Variants in TRAPPC8 observed in about 807,000 individuals in gnomAD.
TRAPPC8 encodes the protein trafficking protein particle complex subunit 8, also known as general sporulation gene 1 homolog.
In TRAPPC8, 54 loss-of-function variants were observed where a neutral mutation model predicts 174.3. The observed-to-expected ratio is 0.31, with a 90% confidence interval of 0.25 to 0.39. TRAPPC8 has a LOEUF of 0.39. TRAPPC8 is among the 10% of genes least tolerant of loss of function. The pLI, the probability that TRAPPC8 is intolerant of heterozygous loss-of-function variation, is 1.00. For synonymous variants in TRAPPC8, 630 were observed against 579.9 expected, an observed-to-expected ratio of 1.09 and a Z score of -1.24; for missense variants, 1,531 against 1,699.1, an observed-to-expected ratio of 0.90 and a Z score of 1.74.
At chr18:31,909,862 C>T (rs1015489232) in intron 5 of TRAPPC8, 102 bp from the exon 6 acceptor site, 6 of 756,884 alleles carry the variant, frequency 7.9e-6, no homozygotes, top group African/African-American at 1.8e-5. Context: ...AACTGTTGGC[C>T]TCATTTATTT....
At chr18:31,902,469 C>T (rs1271913499) in intron 9 of TRAPPC8, among the ~76,000 whole-genome samples, 1 of 152,238 alleles carries the variant, frequency 6.6e-6, no homozygotes, top group South Asian at 2.1e-4. Context: ...TTCTGCCTAA[C>T]AGCTTTAAGT....
chr18:31,840,461 ATTT>A (rs907528815), intron 26 of TRAPPC8, among the ~76,000 whole-genome samples: 1 of 151,924 alleles, frequency 6.6e-6, no homozygotes, highest in African/African-American at 2.4e-5. Context: ...TTCTACTATT[ATTT>A]TCTTTCTTGG....
At position 31,864,680 on chromosome 18, in the gene TRAPPC8, C is replaced by T. The variant is rs1422993491; in HGVS notation, c.2692G>A (p.Gly898Ser). 6.2e-7 allele frequency: 1 copy of T among 1,613,000 alleles called. No individual in the cohort carries two copies. Reference sequence around the variant, plus strand: ...ATGGGATCTAAACGTCGATCAGGGCCATATTTAACAGATGTTTTCTCTTCT... The same window carrying T: ...ATGGGATCTAAACGTCGATCAGGGCTATATTTAACAGATGTTTTCTCTTCT... ...TKEEKTSVKY[G>S]PDRRLDPIIT... is the part of the protein sequence containing the mutation. Residue 898 changes from glycine to serine, a missense_variant, in exon 19 of 29, where the codon GGC (glycine) becomes AGC (serine). Gly to Ser is a moderately conservative substitution (Grantham distance 56, BLOSUM62 0). Transcript: ENST00000283351.
chr18:31,936,902 T>TAAA lies in TRAPPC8; in HGVS notation c.158-5382_158-5380dup, dbSNP rs376783471. Among the ~76,000 whole-genome samples the TAAA allele has an allele frequency of 7.2e-3, 669 of 92,480 alleles. 35 individuals carry two copies. The highest frequency in any genetic ancestry group is 0.028 in the African/African-American group (601 of 21,178). The allele number at this position is 92,480 out of a possible 152,430, so 60.7% of individuals were successfully genotyped here. A position where few individuals can be genotyped will look rare whatever the true frequency, so the allele number is the denominator to read the frequency against. On this transcript the variant is annotated intron_variant, in intron 1 of 28. Transcript: ENST00000283351. ...GGGTGACAGAGCAAGACTCCGTCTT[T>TAAA]AAAAAAAAAAAAAAAAAAAAAAAAA...
chr18:31,911,288 G>A (rs556646953), intron 5 of TRAPPC8, among the ~76,000 whole-genome samples: 9 of 152,038 alleles, frequency 5.9e-5, no homozygotes, highest in South Asian at 2.1e-4. Context: ...AGGCTGAGGC[G>A]TGTGGATCAC....
At chr18:31,867,324 T>C in intron 17 of TRAPPC8, 78 bp downstream of exon 17, 1 of 1,019,368 alleles carries the variant, frequency 9.8e-7, no homozygotes, top group South Asian at 1.5e-5. Flanking sequence ...TAAAATAAAC[T>C]GAATAAAGAT....
rs969033878 is a variant in TRAPPC8, at chr18:31,942,956, C to T, written c.-192G>A. On this transcript the variant is annotated 5_prime_UTR_variant, in exon 1 of 29. Coordinates refer to ENST00000283351, the MANE Select transcript of TRAPPC8 (RefSeq NM_014939.5). ...TCTGGGGCACAATCCACTGACCCCCCCCTTCCCGTCACCGCCGCTTCTCAG... is the reference window on the plus strand; with the variant it reads ...TCTGGGGCACAATCCACTGACCCCCTCCTTCCCGTCACCGCCGCTTCTCAG... The T allele has an allele frequency of 5.2e-6, 6 of 1,146,614 alleles. No homozygotes were observed. The South Asian group carries it at 1.7e-4, about 32-fold the overall frequency. The allele number at this position is 1,146,614 out of a possible 1,614,324, so 71.0% of individuals were successfully genotyped here.
chr18:31,837,605 C>T (rs994496894), intron 27 of TRAPPC8, among the ~76,000 whole-genome samples: 4 of 151,734 alleles, frequency 2.6e-5, no homozygotes, highest in African/African-American at 7.3e-5. Flanking sequence ...GGCTGAGGCA[C>T]GAGAATCACT....
At chr18:31,873,754 A>G (rs2035007117) in intron 13 of TRAPPC8, 1 of 417,394 alleles carries the variant, frequency 2.4e-6, no homozygotes, top group Non-Finnish European at 4.3e-6. Context: ...TACTGAGGTT[A>G]CTCAGCTAAT....
At position 31,855,766 on chromosome 18, in the gene TRAPPC8, C is replaced by T. The variant is rs769572095; in HGVS notation, c.3230G>A (p.Arg1077Gln). 1.4e-5 allele frequency: 22 copies of T among 1,605,298 alleles called. No homozygotes were observed. The highest frequency in any genetic ancestry group is 4.5e-5 in the South Asian group (4 of 88,854). ...GACAGTGGCCCGTACATTTAAAGAC[C>T]GACTGGTACAAATAATTGCAGTGTG... Reference protein sequence around the residue: ...LRHTAIICTSRSLNVRATVCR... With the variant: ...LRHTAIICTSQSLNVRATVCR... The change falls in exon 21 of 29, where the codon CGG becomes CAG. Residue 1077 changes from arginine (R) to glutamine (Q), a missense_variant. Transcript: ENST00000283351.
intron 9 of TRAPPC8, among the ~76,000 whole-genome samples, chr18:31,902,544 C>T (rs114461478): frequency 0.011 from 1,652 of 152,164 alleles, 30 homozygotes; most frequent in African/African-American, 0.038. Flanking sequence ...AAGGTATTTC[C>T]ATTTATGTTT....
chr18:31,911,336 G>T (rs934919707), intron 5 of TRAPPC8, among the ~76,000 whole-genome samples: 1 of 152,026 alleles, frequency 6.6e-6, no homozygotes, highest in African/African-American at 2.4e-5. Flanking sequence ...AGCCAACAGG[G>T]TGAAACCCTG....
rs1199833024 is a variant in TRAPPC8, at chr18:31,830,305, AG to A, written c.*449del. 6.5e-6 allele frequency: 1 copy of A among 154,174 alleles called. No homozygotes were observed. Among genetic ancestry groups the A allele is most frequent in the African/African-American group, 2.4e-5 (1 of 41,480 alleles). 9.6% of individuals were successfully genotyped at this position (154,174 alleles called of 1,614,324 possible). On this transcript the variant is annotated 3_prime_UTR_variant, in exon 29 of 29. Transcript: ENST00000283351. ...AAACTGATTTTAAGGAACTGTGTGA[AG>A]CAAGACAGGAAAATTTGTATTTAAC...
chr18:31,829,232 T>G lies in TRAPPC8; in HGVS notation c.*1523A>C, dbSNP rs1031659298. ...TTTATTACCTTTATTTTTAATATAT[T>G]CAGTTGTAGGTTTATATAGTTTAAT... On this transcript the variant is annotated 3_prime_UTR_variant, in exon 29 of 29. Coordinates refer to ENST00000283351, the MANE Select transcript of TRAPPC8 (RefSeq NM_014939.5). The G allele has an allele frequency of 1.3e-5, 2 of 152,208 alleles. No homozygotes were observed. The highest frequency in any genetic ancestry group is 6.5e-5 in the Admixed American group (1 of 15,286). The allele number at this position is 152,208 out of a possible 1,614,324, so 9.4% of individuals were successfully genotyped here.
chr18:31,830,707 T>C lies in TRAPPC8; in HGVS notation c.*48A>G, dbSNP rs201586660. On this transcript the variant is annotated 3_prime_UTR_variant, in exon 29 of 29. Transcript: ENST00000283351. ...ATATCAAATACTGCTGTAAAACCCA[T>C]CCAGCAAAAACTGATTATTGTGGAT... 8.5e-6 allele frequency: 13 copies of C among 1,536,930 alleles called. No homozygotes were observed. In the Admixed American group the frequency reaches 1.8e-4, roughly 21 times the overall value.
chr18:31,831,038 T>G (rs1464306299), intron 28 of TRAPPC8, 49 bp from the exon 29 acceptor site: 5 of 1,531,844 alleles, frequency 3.3e-6, no homozygotes, highest in Middle Eastern at 1.7e-4. Flanking sequence ...CTTTTTAATT[T>G]TTTTCCCAAA....
At chr18:31,905,377 T>C (rs1338761584) in intron 9 of TRAPPC8, among the ~76,000 whole-genome samples, 1 of 152,140 alleles carries the variant, frequency 6.6e-6, no homozygotes, top group Non-Finnish European at 1.5e-5. Context: ...AAAAACTGAA[T>C]GCCTACACTT....
chr18:31,848,025 C>G (rs2033500605), intron 25 of TRAPPC8, among the ~76,000 whole-genome samples: 1 of 152,082 alleles, frequency 6.6e-6, no homozygotes, highest in Non-Finnish European at 1.5e-5. Context: ...TACTCTACAA[C>G]TTTAATGACT....
At chr18:31,942,485 C>A in intron 1 of TRAPPC8, 123 bp downstream of exon 1, 1 of 1,303,828 alleles carries the variant, frequency 7.7e-7, no homozygotes, top group South Asian at 1.8e-5. Flanking sequence ...GCCACAGCCC[C>A]AGACGCCACG....
Sources: gnomAD v4.1 joint callset for allele counts (sites outside exome capture counted in the v4.1 genomes callset) on GRCh38, gnomAD v4.1.1 for gene constraint, MANE v1.5 for transcripts, NCBI Gene and HGNC (gene_info 2026-07-23, HGNC 2026-07-21) for gene names.